Variants in COLEC12 observed in about 807,000 individuals in gnomAD.
COLEC12 encodes collectin-12.
COLEC12 carries 33 observed loss-of-function variants against 71.1 expected under a neutral mutation model. The observed-to-expected ratio is 0.46, with a 90% CI of 0.35 to 0.62. COLEC12 has a LOEUF of 0.62. COLEC12 is among the 20% of genes least tolerant of loss of function. The probability of loss-of-function intolerance (pLI) is 0.00; values close to 1 mark genes in which losing one functional copy is unlikely to be tolerated. For synonymous variants in COLEC12, 350 were observed against 353.0 expected (o/e 0.99, Z 0.10); for missense variants, 765 against 916.1 (o/e 0.84, Z 2.13).
intron 2 of COLEC12, among the ~76,000 whole-genome samples, chr18:391,326 G>T (rs1318932413): frequency 1.3e-5 from 2 of 152,172 alleles, no homozygotes; most frequent in African/African-American, 4.8e-5. Flanking sequence ...ACAGAGAAGA[G>T]AACAGGAAAG....
In COLEC12 at chr18:479,550, T is replaced by TCACACA. The variant is rs71174235; in HGVS notation, c.58+1151_58+1156dup. 2.5e-4 allele frequency among the ~76,000 whole-genome samples: 37 copies of TCACACA among 149,410 alleles called. 1 individual carries two copies. Among genetic ancestry groups the TCACACA allele is most frequent in the South Asian group, 6.3e-4 (3 of 4,730 alleles). On this transcript the variant is annotated intron_variant, in intron 2 of 9. Coordinates refer to ENST00000400256, the MANE Select transcript of COLEC12 (RefSeq NM_130386.3). ...TACTCTCTCTCTCTCTCTCTCTCTCTCACACACACACAGAAACGCACACAC... is the reference window on the plus strand; with the variant it reads ...TACTCTCTCTCTCTCTCTCTCTCTCTCACACACACACACACACAGAAACGCACACAC...
At chr18:485,617 T>C (rs773519400) in intron 1 of COLEC12, among the ~76,000 whole-genome samples, 6 of 152,260 alleles carry the variant, frequency 3.9e-5, no homozygotes, top group African/African-American at 9.6e-5. Context: ...CAGAGCCACA[T>C]TGGGGCCAGA....
chr18:317,791 G>T lies in COLEC12; in HGVS notation c.*2254C>A, dbSNP rs558320. 63,435 of 152,050 alleles carry T rather than the reference G, an allele frequency of 0.42. 13,790 individuals are homozygous for T. Among genetic ancestry groups the T allele is most frequent in the East Asian group, 0.72 (3,721 of 5,146 alleles). The allele number at this position is 152,050 out of a possible 1,614,324, so 9.4% of individuals were successfully genotyped here. ...GTTGGAATGCCGTGCCCGCCTTGTGGTGCAGGCTTCAGCAGTTTAGGCCCA... is the reference window on the plus strand; with the variant it reads ...GTTGGAATGCCGTGCCCGCCTTGTGTTGCAGGCTTCAGCAGTTTAGGCCCA... On this transcript the variant is annotated 3_prime_UTR_variant, in exon 10 of 10. Coordinates refer to ENST00000400256, the MANE Select transcript of COLEC12 (RefSeq NM_130386.3).
intron 8 of COLEC12, among the ~76,000 whole-genome samples, chr18:326,846 TGA>T (rs1465182586): frequency 1.3e-5 from 2 of 152,216 alleles, no homozygotes; most frequent in African/African-American, 4.8e-5. Flanking sequence ...CATCAGTAAT[TGA>T]GAGGGGAATG....
At chr18:417,857 C>G (rs1256776525) in intron 2 of COLEC12, among the ~76,000 whole-genome samples, 1 of 152,162 alleles carries the variant, frequency 6.6e-6, no homozygotes, top group East Asian at 1.9e-4. Flanking sequence ...GAGTGTTCCC[C>G]ATTTCTTCTA....
chr18:416,812 C>T (rs1351610608), intron 2 of COLEC12, among the ~76,000 whole-genome samples: 1 of 135,846 alleles, frequency 7.4e-6, no homozygotes, highest in South Asian at 2.4e-4. Context: ...CCTATCTTGC[C>T]TTACACTCTG....
intron 8 of COLEC12, among the ~76,000 whole-genome samples, chr18:331,344 A>G (rs1913976001): frequency 6.6e-6 from 1 of 152,240 alleles, no homozygotes; most frequent in African/African-American, 2.4e-5. Flanking sequence ...CCTGGGCTTC[A>G]TCATCTTTTC....
chr18:467,144 T>C (rs1256017290), intron 2 of COLEC12, among the ~76,000 whole-genome samples: 1 of 152,252 alleles, frequency 6.6e-6, no homozygotes, highest in Non-Finnish European at 1.5e-5. Flanking sequence ...CCTTCCTTTC[T>C]TCCTTCCTTC....
intron 2 of COLEC12, among the ~76,000 whole-genome samples, chr18:425,666 T>C (rs1029917288): frequency 4.6e-5 from 7 of 152,212 alleles, no homozygotes; most frequent in African/African-American, 1.2e-4. Flanking sequence ...AACATCACCA[T>C]TGCTGGCACC....
chr18:387,589 C>A (rs1441525520), intron 2 of COLEC12, among the ~76,000 whole-genome samples: 1 of 152,070 alleles, frequency 6.6e-6, no homozygotes, highest in Non-Finnish European at 1.5e-5. Flanking sequence ...AATCCTTCTG[C>A]GATGATTTCT....
intron 2 of COLEC12, among the ~76,000 whole-genome samples, chr18:449,036 G>T (rs981720149): frequency 2.6e-5 from 4 of 151,984 alleles, no homozygotes; most frequent in African/African-American, 9.7e-5. Context: ...AATACTGTTT[G>T]CCAGAATTCA....
chr18:366,659 A>C (rs1914862864), intron 2 of COLEC12, among the ~76,000 whole-genome samples: 2 of 152,210 alleles, frequency 1.3e-5, no homozygotes, highest in Non-Finnish European at 2.9e-5. Context: ...GGCTTAACAA[A>C]GGCATGACTG....
chr18:421,650 C>G (rs11661744), intron 2 of COLEC12, among the ~76,000 whole-genome samples: 1 of 151,920 alleles, frequency 6.6e-6, no homozygotes, highest in Non-Finnish European at 1.5e-5. Flanking sequence ...GGTGCTGAAG[C>G]CACATTTGAA....
intron 2 of COLEC12, among the ~76,000 whole-genome samples, chr18:479,038 A>G (rs568626284): frequency 3.3e-5 from 5 of 152,240 alleles, no homozygotes; most frequent in Admixed American, 2.0e-4. Context: ...TTGGTTCTTC[A>G]TATTTCTACT....
intron 8 of COLEC12, among the ~76,000 whole-genome samples, chr18:325,276 A>G (rs1016568526): frequency 6.6e-6 from 1 of 152,186 alleles, no homozygotes; most frequent in Non-Finnish European, 1.5e-5. Flanking sequence ...AAGGCACCAC[A>G]TTTTATCTTT....
intron 2 of COLEC12, among the ~76,000 whole-genome samples, chr18:392,581 C>A (rs992677742): frequency 2.6e-5 from 4 of 152,314 alleles, no homozygotes; most frequent in African/African-American, 9.6e-5. Context: ...AATGCCACAC[C>A]CTTGTCCCAG....
At chr18:478,489 C>T (rs1412703989) in intron 2 of COLEC12, among the ~76,000 whole-genome samples, 1 of 152,016 alleles carries the variant, frequency 6.6e-6, no homozygotes, top group Non-Finnish European at 1.5e-5. Context: ...GGCACATACC[C>T]GTAGGCCCAG....
Position 335,001 on chromosome 18 carries a change from A to G in COLEC12, c.1557T>C (p.Pro519=). Residue 519 remains proline, a synonymous_variant, in exon 6 of 10, where the codon CCT becomes CCC. Coordinates refer to ENST00000400256, the MANE Select transcript of COLEC12 (RefSeq NM_130386.3). Reference sequence around the variant, plus strand: ...GGCCTGGGTCCCCACTGGAGCCCTGAGGGCCGGGCTTCCCAGGGGAACCAC... The same window carrying G: ...GGCCTGGGTCCCCACTGGAGCCCTGGGGGCCGGGCTTCCCAGGGGAACCAC... The part of the protein sequence containing the change: ...GSRGSPGKPG[P]QGSSGDPGPP... 6.3e-7 allele frequency: 1 copy of G among 1,581,286 alleles called. No homozygotes were observed. The highest frequency in any genetic ancestry group is 8.5e-7 in the Non-Finnish European group (1 of 1,169,784).
chr18:440,160 C>T (rs1916486376), intron 2 of COLEC12, among the ~76,000 whole-genome samples: 1 of 151,300 alleles, frequency 6.6e-6, no homozygotes, highest in South Asian at 2.1e-4. Context: ...AAAAAAAAAA[C>T]ACCTTACAGA....
Sources: gnomAD v4.1 joint callset for allele counts (sites outside exome capture counted in the v4.1 genomes callset) on GRCh38, gnomAD v4.1.1 for gene constraint, MANE v1.5 for transcripts, NCBI Gene and HGNC (gene_info 2026-07-23, HGNC 2026-07-21) for gene names.